RBFOX1: variants seen among roughly 807,000 people sequenced by gnomAD.
RBFOX1 encodes the protein RNA binding fox-1 homolog 1.
In RBFOX1, 8 loss-of-function variants were observed where a neutral mutation model predicts 57.7. The ratio of observed to expected loss-of-function variants is 0.14; its 90% CI spans 0.08 to 0.25. RBFOX1 has a LOEUF of 0.25. Ranked by LOEUF, RBFOX1 falls within the 10% of genes least tolerant of loss-of-function variation. The pLI is 1.00. For missense variants in RBFOX1, 611 were observed against 548.5 expected, an observed-to-expected ratio of 1.11 and a Z score of -1.14; for synonymous variants, 326 against 222.4, an observed-to-expected ratio of 1.47 and a Z score of -4.15.
At chr16:6,639,732 A>G (rs2098471937) in intron 2 of RBFOX1, among the ~76,000 whole-genome samples, 1 of 152,030 alleles carries the variant, frequency 6.6e-6, no homozygotes, top group African/African-American at 2.4e-5. Flanking sequence ...AAACCAAATT[A>G]GTTGGTCAAG....
intron 4 of RBFOX1, among the ~76,000 whole-genome samples, chr16:5,931,676 G>T (rs1031588824): frequency 2.0e-5 from 3 of 152,092 alleles, no homozygotes; most frequent in African/African-American, 7.2e-5. Context: ...AAGTTTTGTG[G>T]GTCCTGAATC....
Position 7,212,995 on chromosome 16 carries a change from A to G in RBFOX1, c.27+160897A>G, listed in dbSNP as rs527622552. Among the ~76,000 whole-genome samples the G allele has an allele frequency of 1.4e-4, 22 of 152,272 alleles. No homozygotes were observed. The South Asian group carries it at 4.6e-3, about 32-fold the overall frequency. ...AACACTTGACTTGATCCTTCCAGTC[A>G]TCTTGTAAGGCAAATATGATTGTGC... is the stretch of plus-strand genomic sequence containing the variant. On this transcript the variant is annotated intron_variant, in intron 4 of 15. Coordinates refer to ENST00000550418, the MANE Select transcript of RBFOX1 (RefSeq NM_018723.4).
chr16:6,067,709 C>A (rs764868300), intron 1 of RBFOX1, among the ~76,000 whole-genome samples: 1 of 152,062 alleles, frequency 6.6e-6, no homozygotes, highest in African/African-American at 2.4e-5. Flanking sequence ...TCCATTAAAA[C>A]CAATTTGAGG....
intron 4 of RBFOX1, among the ~76,000 whole-genome samples, chr16:7,370,956 A>G (rs2097554320): frequency 6.6e-6 from 1 of 152,224 alleles, no homozygotes; most frequent in South Asian, 2.1e-4. Context: ...TGGTGACCCC[A>G]GAAGCAAAGC....
intron 14 of RBFOX1, among the ~76,000 whole-genome samples, chr16:7,705,471 C>A (rs766162921): frequency 6.6e-6 from 1 of 152,158 alleles, no homozygotes; most frequent in Non-Finnish European, 1.5e-5. Flanking sequence ...TGCCACTGCA[C>A]TCCAGCCTTA....
intron 2 of RBFOX1, among the ~76,000 whole-genome samples, chr16:5,542,111 A>G (rs974341000): frequency 6.6e-6 from 1 of 152,092 alleles, no homozygotes; most frequent in Admixed American, 6.5e-5. Context: ...TATGAACATG[A>G]TGGTAGCCGT....
chr16:6,844,178 G>C (rs2093638913), intron 3 of RBFOX1, among the ~76,000 whole-genome samples: 1 of 151,644 alleles, frequency 6.6e-6, no homozygotes, highest in Non-Finnish European at 1.5e-5. Flanking sequence ...ATAGCTTCTG[G>C]AGGAATCTTC....
At chr16:6,933,544 C>T (rs1597633083) in intron 3 of RBFOX1, among the ~76,000 whole-genome samples, 1 of 152,196 alleles carries the variant, frequency 6.6e-6, no homozygotes, top group African/African-American at 2.4e-5. Flanking sequence ...GAAATCTCTT[C>T]TCTACTAAAA....
chr16:6,685,755 T>C (rs1437426308), intron 3 of RBFOX1, among the ~76,000 whole-genome samples: 2 of 152,150 alleles, frequency 1.3e-5, no homozygotes, highest in East Asian at 3.9e-4. Context: ...TGTCTGCCCC[T>C]ATCCTTTTTC....
intron 14 of RBFOX1, 143 bp from the exon 15 acceptor site, chr16:7,708,913 T>C (rs755191531): frequency 1.6e-4 from 109 of 688,396 alleles, no homozygotes; most frequent in Non-Finnish European, 3.6e-5. Flanking sequence ...ACTCTTCTTA[T>C]ACTACACAGC....
intron 3 of RBFOX1, among the ~76,000 whole-genome samples, chr16:6,660,102 G>A (rs989091424): frequency 3.9e-5 from 6 of 151,934 alleles, no homozygotes; most frequent in African/African-American, 1.5e-4. Flanking sequence ...GCACACGCCT[G>A]TAGTCACAGC....
intron 3 of RBFOX1, among the ~76,000 whole-genome samples, chr16:6,683,939 G>A (rs1045234237): frequency 3.3e-5 from 5 of 152,224 alleles, no homozygotes; most frequent in Non-Finnish European, 7.3e-5. Flanking sequence ...GTGTCACGCA[G>A]TGGGTGCCTG....
intron 1 of RBFOX1, among the ~76,000 whole-genome samples, chr16:5,422,240 G>GAA (rs2067353825): frequency 7.1e-6 from 1 of 141,510 alleles, no homozygotes. Context: ...GGAGAGGGAG[G>GAA]AGGAGCAGGG....
intron 2 of RBFOX1, among the ~76,000 whole-genome samples, chr16:5,542,685 T>C (rs1462478494): frequency 6.6e-6 from 1 of 152,218 alleles, no homozygotes; most frequent in Non-Finnish European, 1.5e-5. Context: ...CATGGAGTTT[T>C]AGCAAGGAGA....
intron 1 of RBFOX1, among the ~76,000 whole-genome samples, chr16:6,202,538 T>C (rs546520837): frequency 1.3e-4 from 20 of 152,288 alleles, no homozygotes; most frequent in African/African-American, 4.8e-4. Context: ...AGTTTTCTTA[T>C]GGAAATGCTT....
At chr16:6,299,147 G>T (rs1232475776) in intron 1 of RBFOX1, among the ~76,000 whole-genome samples, 1 of 152,208 alleles carries the variant, frequency 6.6e-6, no homozygotes, top group African/African-American at 2.4e-5. Flanking sequence ...TAGAATGAAA[G>T]GGGCAGGCTG....
At chr16:7,651,515 C>T (rs1173809669) in intron 11 of RBFOX1, among the ~76,000 whole-genome samples, 2 of 152,172 alleles carry the variant, frequency 1.3e-5, no homozygotes, top group African/African-American at 2.4e-5. Context: ...CCTTTTGCTC[C>T]TTCTGCAACC....
chr16:6,511,340 C>T (rs146474261), intron 2 of RBFOX1, among the ~76,000 whole-genome samples: 1 of 152,118 alleles, frequency 6.6e-6, no homozygotes, highest in South Asian at 2.1e-4. Flanking sequence ...CTCTTCTATG[C>T]TTTTTCTTAG....
chr16:5,815,121 A>G (rs1001600864), intron 3 of RBFOX1, among the ~76,000 whole-genome samples: 3 of 150,858 alleles, frequency 2.0e-5, no homozygotes, highest in African/African-American at 4.9e-5. Context: ...CTGGGACTGC[A>G]GGTGTGCATC....
Sources: gnomAD v4.1 joint callset for allele counts (sites outside exome capture counted in the v4.1 genomes callset) on GRCh38, gnomAD v4.1.1 for gene constraint, MANE v1.5 for transcripts, NCBI Gene and HGNC (gene_info 2026-07-23, HGNC 2026-07-21) for gene names.